DCBLD2: variants seen among roughly 807,000 people sequenced by gnomAD.
The protein encoded by DCBLD2 is discoidin, CUB and LCCL domain containing 2.
Under a neutral mutation model 86.8 loss-of-function variants are expected in DCBLD2, and 54 were observed. The observed-to-expected ratio is 0.62, with a 90% CI of 0.50 to 0.78. DCBLD2 has a LOEUF of 0.78. Among genes scored for constraint, DCBLD2 ranks in the 30% least tolerant of loss-of-function variants. The pLI, the probability that DCBLD2 is intolerant of heterozygous loss-of-function variation, is 0.00. For missense variants in DCBLD2, 908 were observed against 954.2 expected (o/e 0.95, Z 0.64); for synonymous variants, 354 against 341.3 (o/e 1.04, Z -0.41).
chr3:98,821,906 C>T (rs1481470237), intron 6 of DCBLD2, among the ~76,000 whole-genome samples: 1 of 152,050 alleles, frequency 6.6e-6, no homozygotes. Flanking sequence ...GTTAGCCAGG[C>T]GTGGTGCCAC....
At chr3:98,869,336 C>T (rs962979773) in intron 2 of DCBLD2, among the ~76,000 whole-genome samples, 20 of 152,122 alleles carry the variant, frequency 1.3e-4, no homozygotes, top group South Asian at 2.1e-4. Flanking sequence ...TTGTAGATTA[C>T]GGACATTAGT....
chr3:98,893,001 A>G (rs1031945086), intron 1 of DCBLD2, among the ~76,000 whole-genome samples: 12 of 152,174 alleles, frequency 7.9e-5, no homozygotes, highest in African/African-American at 2.7e-4. Context: ...GGCTGGAGAC[A>G]GTCATGCCTT....
At chr3:98,886,726 G>C (rs1323328608) in intron 1 of DCBLD2, among the ~76,000 whole-genome samples, 1 of 150,688 alleles carries the variant, frequency 6.6e-6, no homozygotes, top group Admixed American at 6.6e-5. Flanking sequence ...CATAGAACAT[G>C]TGTTCACTTC....
intron 2 of DCBLD2, 21 bp from the exon 3 acceptor site, chr3:98,849,619 GATT>G (rs1288815774): frequency 6.3e-7 from 1 of 1,599,042 alleles, no homozygotes; most frequent in African/African-American, 1.3e-5. Context: ...AAGAAAAGCA[GATT>G]ATTTGGGATG....
chr3:98,805,688 C>T (rs1941825163), intron 13 of DCBLD2, among the ~76,000 whole-genome samples: 1 of 152,172 alleles, frequency 6.6e-6, no homozygotes, highest in Non-Finnish European at 1.5e-5. Flanking sequence ...AACTTCAATT[C>T]TCCAGCTCAG....
rs11718275 is a variant in DCBLD2, at chr3:98,847,823, C to T, written c.571+1638G>A. On this transcript the variant is annotated intron_variant, in intron 3 of 15. Transcript: ENST00000326840. ...TTTTGATATATTCTTGTACTAGCAA[C>T]ACTTATTAAACTTTCTCATCATGGT... Among the ~76,000 whole-genome samples the T allele has an allele frequency of 2.0e-3, 302 of 151,660 alleles. 1 individual carries two copies. The highest frequency in any genetic ancestry group is 3.4e-3 in the Non-Finnish European group (229 of 67,804).
chr3:98,812,966 C>A (rs1211911301), intron 9 of DCBLD2: 1 of 152,542 alleles, frequency 6.6e-6, no homozygotes, highest in Non-Finnish European at 1.5e-5. Context: ...TACTAACAAA[C>A]ATATAACAGA....
At chr3:98,881,467 A>C (rs1943468850) in intron 2 of DCBLD2, 73 bp downstream of exon 2, 5 of 1,347,362 alleles carry the variant, frequency 3.7e-6, no homozygotes, top group East Asian at 2.3e-5. Flanking sequence ...TGGTTATTTA[A>C]TGTTAATATC....
chr3:98,825,724 T>C (rs1942208830), intron 3 of DCBLD2, among the ~76,000 whole-genome samples: 1 of 148,458 alleles, frequency 6.7e-6, no homozygotes, highest in South Asian at 2.1e-4. Flanking sequence ...TTTAAAGTGG[T>C]TTCTGTAAAA....
chr3:98,826,982 C>T (rs1942235654), intron 3 of DCBLD2, among the ~76,000 whole-genome samples: 1 of 151,994 alleles, frequency 6.6e-6, no homozygotes, highest in African/African-American at 2.4e-5. Flanking sequence ...TCATTTTATT[C>T]CATAATTCTG....
At position 98,820,287 on chromosome 3, in the gene DCBLD2, C is replaced by G; in HGVS notation, c.832G>C (p.Gly278Arg). 1 of 1,465,720 alleles carries G rather than the reference C, an allele frequency of 6.8e-7. No homozygotes were observed. Among genetic ancestry groups the G allele is most frequent in the Non-Finnish European group, 9.0e-7 (1 of 1,108,208 alleles). The allele number at this position is 1,465,720 out of a possible 1,614,324, so 90.8% of individuals were successfully genotyped here. ...SLANNVTSVV[G>R]HLSTSLFTFK... is the part of the protein sequence containing the mutation. ...GTAAAAAGACTTGTAGATAAGTGTC[C>G]CCTGAAAGAGAGAAGGGTTTTTTTT... Residue 278 changes from glycine (G) to arginine (R), a missense_variant and splice_region_variant, in exon 7 of 16, where the codon GGA becomes CGA. Gly to Arg is a moderately radical substitution (Grantham distance 125, BLOSUM62 -2). Coordinates refer to ENST00000326840, the MANE Select transcript of DCBLD2 (RefSeq NM_080927.4).
chr3:98,870,656 A>AAGAGAGAGAG lies in DCBLD2; in HGVS notation c.433+10874_433+10883dup, dbSNP rs71124007. Among the ~76,000 whole-genome samples the AAGAGAGAGAG allele has an allele frequency of 2.2e-5, 3 of 134,132 alleles. 1 individual carries two copies. Among genetic ancestry groups the AAGAGAGAGAG allele is most frequent in the African/African-American group, 8.6e-5 (3 of 34,736 alleles). The allele number at this position is 134,132 out of a possible 152,430, so 88.0% of individuals were successfully genotyped here. On this transcript the variant is annotated intron_variant, in intron 2 of 15. Coordinates refer to ENST00000326840, the MANE Select transcript of DCBLD2 (RefSeq NM_080927.4). Reference sequence around the variant, plus strand: ...AAATGGAAGGAAGAAGAGATAGAGAAAGAGAGAGAGAGAGAGAGAGAGAAA... The same window carrying AAGAGAGAGAG: ...AAATGGAAGGAAGAAGAGATAGAGAAAGAGAGAGAGAGAGAGAGAGAGAGAGAGAGAGAAA...
chr3:98,847,832 A>T (rs1201977842), intron 3 of DCBLD2, among the ~76,000 whole-genome samples: 3 of 150,974 alleles, frequency 2.0e-5, no homozygotes, highest in Non-Finnish European at 4.4e-5. Flanking sequence ...ACACTTATTA[A>T]ACTTTCTCAT....
intron 4 of DCBLD2, among the ~76,000 whole-genome samples, chr3:98,823,826 T>G (rs1250959678): frequency 6.6e-6 from 1 of 152,206 alleles, no homozygotes; most frequent in Non-Finnish European, 1.5e-5. Flanking sequence ...TGTATGCCCA[T>G]TCACACAGTT....
Position 98,878,724 on chromosome 3 carries a change from G to A in DCBLD2, c.433+2816C>T, listed in dbSNP as rs1307953825. ...ATACGGTAGGTGTGATGGGGGAAGG[G>A]TGGGTACAAACTGAAGCCCAACAGG... On this transcript the variant is annotated intron_variant, in intron 2 of 15. Transcript: ENST00000326840. 1.3e-5 allele frequency among the ~76,000 whole-genome samples: 2 copies of A among 152,162 alleles called. 1 individual carries two copies. The highest frequency in any genetic ancestry group is 1.3e-4 in the Admixed American group (2 of 15,288).
At chr3:98,819,518 C>T in intron 7 of DCBLD2, 101 bp from the exon 8 acceptor site, 2 of 1,170,080 alleles carry the variant, frequency 1.7e-6, no homozygotes, top group Non-Finnish European at 2.5e-6. Context: ...AATTAACATA[C>T]ACTACACTAA....
chr3:98,817,606 TAA>T (rs1175505668), intron 9 of DCBLD2, among the ~76,000 whole-genome samples, 161 bp downstream of exon 9: 8 of 152,238 alleles, frequency 5.3e-5, no homozygotes, highest in Non-Finnish European at 2.9e-5. Context: ...GAGAATTTTC[TAA>T]AGTCAGTAGA....
At chr3:98,842,355 T>C (rs187754805) in intron 3 of DCBLD2, among the ~76,000 whole-genome samples, 3 of 152,330 alleles carry the variant, frequency 2.0e-5, no homozygotes, top group East Asian at 3.9e-4. Flanking sequence ...GACAATATTA[T>C]TGTGTGGTCC....
intron 3 of DCBLD2, among the ~76,000 whole-genome samples, chr3:98,843,628 A>G (rs761444994): frequency 6.6e-6 from 1 of 152,210 alleles, no homozygotes; most frequent in Non-Finnish European, 1.5e-5. Flanking sequence ...TGCAAAAATG[A>G]TGTGGTTAAA....
Sources: allele counts gnomAD v4.1 joint callset (sites outside exome capture counted in the v4.1 genomes callset), GRCh38; gene constraint gnomAD v4.1.1; transcripts MANE v1.5; gene names NCBI Gene and HGNC (gene_info 2026-07-23, HGNC 2026-07-21).